ZEB1: variants seen among roughly 807,000 people sequenced by gnomAD.
ZEB1 encodes zinc finger E-box-binding homeobox 1.
Under a neutral mutation model 84.9 loss-of-function variants are expected in ZEB1, and 21 were observed. That is an observed-to-expected ratio of 0.25 (90% CI 0.18 to 0.36). The LOEUF (loss-of-function observed/expected upper bound fraction) is 0.36, where lower values mean the gene tolerates loss of function less well. Among genes scored for constraint, ZEB1 ranks in the 10% least tolerant of loss-of-function variants. The pLI, the probability that ZEB1 is intolerant of heterozygous loss-of-function variation, is 1.00. For missense variants in ZEB1, 1,104 were observed against 1,330.2 expected (o/e 0.83, Z 2.65); for synonymous variants, 420 against 471.1 (o/e 0.89, Z 1.41).
rs35501784 is a variant in ZEB1, at chr10:31,521,405, A to G, written c.2073A>G (p.Pro691=). ...AGATGACTAACTCCCCAGTTTTACC[A>G]GTGGGATCAACCACCAATGGTTCCA... ...PLKMTNSPVL[P]VGSTTNGSRS... Residue 691 remains proline (P), a synonymous_variant, in exon 7 of 9, where the codon CCA becomes CCG. Transcript: ENST00000424869. The G allele has an allele frequency of 1.1e-4, 176 of 1,614,124 alleles. No homozygotes were observed. In the African/African-American group the frequency reaches 2.2e-3, roughly 21 times the overall value.
At chr10:31,452,701 ATGTGTGTGTGTGTGTGTG>A (rs377004895) in intron 1 of ZEB1, among the ~76,000 whole-genome samples, 1 of 90,250 alleles carries the variant, frequency 1.1e-5, no homozygotes, top group East Asian at 4.3e-4. Context: ...TTAGGATAAA[ATGTGTGTGTGTGTGTGTG>A]TGTGTGTGTG....
chr10:31,379,449 GTA>G (rs541702993), intron 1 of ZEB1, among the ~76,000 whole-genome samples: 8 of 150,826 alleles, frequency 5.3e-5, no homozygotes, highest in Non-Finnish European at 8.9e-5. Context: ...CTCTGTGTGT[GTA>G]TATATATATA....
chr10:31,407,180 G>A (rs1389850776), intron 1 of ZEB1, among the ~76,000 whole-genome samples: 1 of 151,042 alleles, frequency 6.6e-6, no homozygotes, highest in Non-Finnish European at 1.5e-5. Context: ...GTGCCATGCT[G>A]GTGCACTGCA....
chr10:31,432,979 CATAG>C (rs113877427), intron 1 of ZEB1, among the ~76,000 whole-genome samples: 2,584 of 152,248 alleles, frequency 0.017, 63 homozygotes, highest in African/African-American at 0.059. Flanking sequence ...CCTAACCTCA[CATAG>C]ATAGTTAGTT....
chr10:31,342,213 T>C (rs780325493), intron 1 of ZEB1, among the ~76,000 whole-genome samples: 2 of 152,130 alleles, frequency 1.3e-5, no homozygotes, highest in Non-Finnish European at 2.9e-5. Context: ...TGAGAGAATA[T>C]GAGATACATA....
At chr10:31,329,224 T>C (rs2036241962) in intron 1 of ZEB1, among the ~76,000 whole-genome samples, 1 of 152,128 alleles carries the variant, frequency 6.6e-6, no homozygotes, top group Admixed American at 6.5e-5. Context: ...AATGATCTGC[T>C]TTTGGTCACT....
chr10:31,351,111 A>G (rs1018560854), intron 1 of ZEB1, among the ~76,000 whole-genome samples: 4 of 152,146 alleles, frequency 2.6e-5, no homozygotes, highest in Non-Finnish European at 5.9e-5. Context: ...CATAGTTTCA[A>G]CCTCAGTGTT....
At chr10:31,433,243 A>G (rs1426525266) in intron 1 of ZEB1, among the ~76,000 whole-genome samples, 1 of 152,220 alleles carries the variant, frequency 6.6e-6, no homozygotes, top group African/African-American at 2.4e-5. Flanking sequence ...AAATGTTGAC[A>G]CATTCCATTT....
intron 2 of ZEB1, among the ~76,000 whole-genome samples, chr10:31,471,907 T>A (rs1387405298): frequency 1.4e-5 from 2 of 142,926 alleles, no homozygotes; most frequent in Non-Finnish European, 3.0e-5. Context: ...ATTAAGAATC[T>A]CACTCAAAAC....
chr10:31,333,343 T>G (rs1242251654), intron 1 of ZEB1, among the ~76,000 whole-genome samples: 1 of 152,140 alleles, frequency 6.6e-6, no homozygotes, highest in Non-Finnish European at 1.5e-5. Context: ...TTCTCTGAGT[T>G]TCTGATCACC....
intron 1 of ZEB1, among the ~76,000 whole-genome samples, chr10:31,338,657 A>G (rs1295766550): frequency 6.6e-6 from 1 of 152,196 alleles, no homozygotes; most frequent in Admixed American, 6.5e-5. Flanking sequence ...GGTAAATTAC[A>G]CACTGCTGGA....
At chr10:31,413,982 C>A (rs2054756035) in intron 1 of ZEB1, among the ~76,000 whole-genome samples, 1 of 152,196 alleles carries the variant, frequency 6.6e-6, no homozygotes, top group Admixed American at 6.5e-5. Flanking sequence ...CCTGCAAAGA[C>A]CGCCCCTTCC....
At chr10:31,455,762 G>A (rs1447819963) in intron 1 of ZEB1, among the ~76,000 whole-genome samples, 4 of 152,116 alleles carry the variant, frequency 2.6e-5, no homozygotes, top group Admixed American at 2.6e-4. Flanking sequence ...GAAACAACAG[G>A]TGCTGGAGAG....
chr10:31,441,105 C>G (rs1165560659), intron 1 of ZEB1, among the ~76,000 whole-genome samples: 1 of 152,140 alleles, frequency 6.6e-6, no homozygotes, highest in Non-Finnish European at 1.5e-5. Flanking sequence ...CCAAGACAAT[C>G]CTAAGCCAAA....
intron 1 of ZEB1, among the ~76,000 whole-genome samples, chr10:31,413,921 C>A (rs2054744430): frequency 6.6e-6 from 1 of 152,202 alleles, no homozygotes; most frequent in Non-Finnish European, 1.5e-5. Context: ...TGGTTTCCTG[C>A]TCATGCATTA....
At chr10:31,485,681 T>TA (rs144239865) in intron 2 of ZEB1, among the ~76,000 whole-genome samples, 11,751 of 151,838 alleles carry the variant, frequency 0.077, 629 homozygotes, top group African/African-American at 0.16. Flanking sequence ...AAAGTAAGTT[T>TA]CTTTTTTTTT....
chr10:31,482,473 GAAA>G (rs34292873), intron 2 of ZEB1, among the ~76,000 whole-genome samples: 1 of 132,836 alleles, frequency 7.5e-6, no homozygotes. Flanking sequence ...TCCTGGGCCA[GAAA>G]AAAAAAAAAA....
At chr10:31,428,195 C>T (rs1372585574) in intron 1 of ZEB1, among the ~76,000 whole-genome samples, 1 of 152,074 alleles carries the variant, frequency 6.6e-6, no homozygotes, top group Non-Finnish European at 1.5e-5. Flanking sequence ...TCGATGTGGG[C>T]ATTTGGTGCT....
At chr10:31,448,853 C>G (rs1342791304) in intron 1 of ZEB1, among the ~76,000 whole-genome samples, 4 of 152,220 alleles carry the variant, frequency 2.6e-5, no homozygotes, top group African/African-American at 9.7e-5. Context: ...GCAGAGGTTA[C>G]TGCTGTCTTT....
Sources: allele counts gnomAD v4.1 joint callset (sites outside exome capture counted in the v4.1 genomes callset), GRCh38; gene constraint gnomAD v4.1.1; transcripts MANE v1.5; gene names NCBI Gene and HGNC (gene_info 2026-07-23, HGNC 2026-07-21).